The following RARB variants were observed in gnomAD, a reference collection of about 807,000 sequenced individuals.
RARB encodes retinoic acid receptor beta.
RARB carries 17 observed loss-of-function variants against 51.9 expected under a neutral mutation model. That is an observed-to-expected ratio of 0.33 (90% confidence interval 0.22 to 0.49). The LOEUF is 0.49. Ranked by LOEUF, RARB falls within the 20% of genes least tolerant of loss-of-function variation. The pLI is 0.99. For missense variants in RARB, 369 were observed against 550.8 expected (o/e 0.67, Z 3.30); for synonymous variants, 215 against 195.4 (o/e 1.10, Z -0.84).
intron 3 of RARB, among the ~76,000 whole-genome samples, chr3:25,552,435 C>A (rs933534490): frequency 6.0e-5 from 9 of 151,140 alleles, no homozygotes; most frequent in Non-Finnish European, 1.0e-4. Context: ...GCTGACTGTG[C>A]TTTGGTTGTT....
chr3:25,308,051 C>G (rs1704195217), intron 5 of RARB, among the ~76,000 whole-genome samples: 1 of 152,202 alleles, frequency 6.6e-6, no homozygotes, highest in African/African-American at 2.4e-5. Context: ...TCCTCTGAAA[C>G]TGTCCCCTAA....
At chr3:24,946,122 A>T (rs1448501128) in intron 2 of RARB, among the ~76,000 whole-genome samples, 1 of 151,912 alleles carries the variant, frequency 6.6e-6, no homozygotes, top group Non-Finnish European at 1.5e-5. Flanking sequence ...AAAATCAGCC[A>T]GGTGTGGTGG....
In RARB at chr3:25,045,358, G is replaced by A. The variant is rs575683276; in HGVS notation, c.-379-14767G>A. Among the ~76,000 whole-genome samples the A allele has an allele frequency of 8.5e-5, 13 of 152,302 alleles. No individual in the cohort carries two copies. The East Asian group carries it at 2.3e-3, about 27-fold the overall frequency. On this transcript the variant is annotated intron_variant, in intron 2 of 11. Transcript: ENST00000383772. ...AGACTGGGGTTCTGCAGTGAGACAG[G>A]AGGGGGGTTTATCAGGAGGCCCTTC...
At chr3:25,348,106 C>A (rs1448355991) in intron 5 of RARB, among the ~76,000 whole-genome samples, 1 of 152,106 alleles carries the variant, frequency 6.6e-6, no homozygotes, top group Non-Finnish European at 1.5e-5. Flanking sequence ...TGGGCTAATA[C>A]ACCACACAGC....
chr3:25,282,020 G>A (rs902479685), intron 5 of RARB, among the ~76,000 whole-genome samples: 14 of 152,270 alleles, frequency 9.2e-5, no homozygotes, highest in African/African-American at 3.4e-4. Context: ...AAATACAAAA[G>A]CATAATTTCA....
intron 5 of RARB, among the ~76,000 whole-genome samples, chr3:25,179,567 A>T (rs1700821490): frequency 6.6e-6 from 1 of 152,184 alleles, no homozygotes; most frequent in Non-Finnish European, 1.5e-5. Flanking sequence ...GAATGAAAGT[A>T]AGACACTTCT....
intron 5 of RARB, among the ~76,000 whole-genome samples, chr3:25,414,715 A>G (rs1707655074): frequency 6.6e-6 from 1 of 152,216 alleles, no homozygotes; most frequent in Admixed American, 6.5e-5. Context: ...CCATATATAT[A>G]ATGTCTTCAG....
intron 3 of RARB, among the ~76,000 whole-genome samples, chr3:25,114,434 A>C (rs1277860464): frequency 2.6e-5 from 4 of 152,188 alleles, no homozygotes; most frequent in Admixed American, 2.6e-4. Flanking sequence ...GAGTTAAAAC[A>C]TTTATTTTAG....
At chr3:25,519,737 G>A (rs962320929) in intron 3 of RARB, among the ~76,000 whole-genome samples, 2 of 151,944 alleles carry the variant, frequency 1.3e-5, no homozygotes, top group Non-Finnish European at 2.9e-5. Flanking sequence ...AAAAAGAAAA[G>A]CTACTTTTAA....
intron 2 of RARB, among the ~76,000 whole-genome samples, chr3:24,970,265 C>G (rs1316229983): frequency 6.6e-6 from 1 of 151,978 alleles, no homozygotes; most frequent in Non-Finnish European, 1.5e-5. Flanking sequence ...AAGCAAAGAA[C>G]GTGTATTTTC....
chr3:25,514,710 A>C (rs1153590), intron 3 of RARB, among the ~76,000 whole-genome samples: 63,261 of 152,068 alleles, frequency 0.42, 18,938 homozygotes, highest in African/African-American at 0.84. Flanking sequence ...TGAGGAACTT[A>C]ACTAGTGTTT....
chr3:25,083,355 C>A (rs1411725424), intron 3 of RARB, among the ~76,000 whole-genome samples: 1 of 152,048 alleles, frequency 6.6e-6, no homozygotes, highest in Non-Finnish European at 1.5e-5. Flanking sequence ...TTTTTAGCAT[C>A]GTGCTTGATT....
chr3:24,861,408 A>T (rs981642148), intron 2 of RARB, among the ~76,000 whole-genome samples: 4 of 152,208 alleles, frequency 2.6e-5, no homozygotes, highest in Admixed American at 6.5e-5. Context: ...GTTAATACAG[A>T]GAGGTGGTTC....
At chr3:25,531,767 A>G (rs1302419775) in intron 3 of RARB, among the ~76,000 whole-genome samples, 1 of 151,530 alleles carries the variant, frequency 6.6e-6, no homozygotes, top group Non-Finnish European at 1.5e-5. Context: ...ATGGCCTGCA[A>G]ATTATAAAAA....
intron 5 of RARB, among the ~76,000 whole-genome samples, chr3:25,288,510 C>T (rs1355202795): frequency 6.6e-6 from 1 of 152,172 alleles, no homozygotes; most frequent in East Asian, 1.9e-4. Context: ...ATCCCAGCTG[C>T]ATTCATTTAA....
chr3:25,575,151 A>T (rs1252933821), intron 4 of RARB, among the ~76,000 whole-genome samples: 1 of 152,112 alleles, frequency 6.6e-6, no homozygotes, highest in African/African-American at 2.4e-5. Context: ...GACAACTTAG[A>T]TCCCTCGCAT....
At chr3:25,362,633 G>T (rs1230069517) in intron 5 of RARB, among the ~76,000 whole-genome samples, 1 of 152,212 alleles carries the variant, frequency 6.6e-6, no homozygotes, top group Non-Finnish European at 1.5e-5. Flanking sequence ...TGGTCTGTGG[G>T]TTGCAAAGAC....
rs575561926 is a variant in RARB at position 25,038,156 on chromosome 3, C to T, written c.-379-21969C>T. On this transcript the variant is annotated intron_variant, in intron 2 of 11. Coordinates refer to the RARB transcript ENST00000383772. ...AGCATGGATGGTCTGTAAGTGAAGG[C>T]AAGTCATATTACATCTCTGGGCCTC... Among the ~76,000 whole-genome samples, 23 of 152,154 alleles carry T rather than the reference C, an allele frequency of 1.5e-4. No individual in the cohort carries two copies. In the East Asian group the frequency reaches 4.4e-3, roughly 29 times the overall value.
chr3:25,050,406 T>C (rs1212780924), intron 2 of RARB, among the ~76,000 whole-genome samples: 2 of 152,154 alleles, frequency 1.3e-5, no homozygotes, highest in East Asian at 3.9e-4. Context: ...TCTAATTAAA[T>C]CTTTACTTCT....
Sources: allele counts gnomAD v4.1 joint callset (sites outside exome capture counted in the v4.1 genomes callset), GRCh38; gene constraint gnomAD v4.1.1; transcripts MANE v1.5; gene names NCBI Gene and HGNC (gene_info 2026-07-23, HGNC 2026-07-21).